LRRC7: variants seen among roughly 807,000 people sequenced by gnomAD.
The protein encoded by LRRC7 is leucine-rich repeat-containing protein 7.
Under a neutral mutation model 175.7 loss-of-function variants are expected in LRRC7, and 23 were observed. The observed-to-expected ratio is 0.13, with a 90% confidence interval of 0.09 to 0.19. LRRC7 has a LOEUF of 0.19. Ranked by LOEUF, LRRC7 falls within the 10% of genes least tolerant of loss-of-function variation. LRRC7 has a pLI of 1.00. For synonymous variants in LRRC7, 685 were observed against 680.9 expected (o/e 1.01, Z -0.09); for missense variants, 1,354 against 1,904.7 (o/e 0.71, Z 5.38).
chr1:69,747,561 C>A (rs1234053506), intron 2 of LRRC7, among the ~76,000 whole-genome samples: 1 of 152,098 alleles, frequency 6.6e-6, no homozygotes, highest in Non-Finnish European at 1.5e-5. Flanking sequence ...AGCAGGACCC[C>A]ATTATCTGAG....
Position 69,649,371 on chromosome 1 carries a change from G to C in LRRC7, c.3-29010G>C, listed in dbSNP as rs543191537. 2.6e-5 allele frequency among the ~76,000 whole-genome samples: 4 copies of C among 152,258 alleles called. No homozygotes were observed. In the South Asian group the frequency reaches 8.3e-4, roughly 32 times the overall value. ...GAAGGGAGAGAAAGCTATGGGAAGT[G>C]AGGATGATATATGTGCTTTGCCTAA... On this transcript the variant is annotated intron_variant, in intron 1 of 26. Transcript: ENST00000651989.
chr1:69,871,847 A>G (rs527665090), intron 7 of LRRC7, among the ~76,000 whole-genome samples: 51 of 152,106 alleles, frequency 3.4e-4, no homozygotes, highest in Non-Finnish European at 6.3e-4. Flanking sequence ...CAAATAATCT[A>G]TGTATGTTCC....
intron 1 of LRRC7, among the ~76,000 whole-genome samples, chr1:69,582,300 C>T: frequency 6.6e-6 from 1 of 152,184 alleles, no homozygotes; most frequent in South Asian, 2.1e-4. Flanking sequence ...CTCAAAATAT[C>T]TCAGTGGCTT....
At chr1:69,598,937 G>T (rs1279147246) in intron 1 of LRRC7, among the ~76,000 whole-genome samples, 1 of 152,058 alleles carries the variant, frequency 6.6e-6, no homozygotes, top group Non-Finnish European at 1.5e-5. Flanking sequence ...GACTATTTCA[G>T]GTCATCAAGG....
chr1:69,764,778 T>C (rs71651429), intron 3 of LRRC7, among the ~76,000 whole-genome samples: 1,741 of 144,398 alleles, frequency 0.012, 13 homozygotes, highest in African/African-American at 0.017. Flanking sequence ...GATAGATAGA[T>C]AGACAGACAG....
chr1:70,116,267 G>A (rs1665841091), intron 26 of LRRC7, among the ~76,000 whole-genome samples: 1 of 152,176 alleles, frequency 6.6e-6, no homozygotes, highest in African/African-American at 2.4e-5. Flanking sequence ...AGAAATTCTT[G>A]CTGGGCGCGG....
chr1:70,135,985 AG>A lies in LRRC7; in HGVS notation c.*14099del, dbSNP rs1666852940. 1.3e-5 allele frequency among the ~76,000 whole-genome samples: 2 copies of A among 152,156 alleles called. No individual in the cohort carries two copies. The highest frequency in any genetic ancestry group is 1.3e-4 in the Admixed American group (2 of 15,276). On this transcript the variant is annotated 3_prime_UTR_variant, in exon 27 of 27. Coordinates refer to ENST00000651989, the MANE Select transcript of LRRC7 (RefSeq NM_001370785.2). ...AAAACCATGAATGTTGCTAGCAAAC[AG>A]TTCAGGCATTTCTTTGTGGCCATTT... is the stretch of plus-strand genomic sequence containing the variant.
chr1:69,781,729 AAGAAAGAG>A lies in LRRC7; in HGVS notation c.304-10310_304-10303del, dbSNP rs1387204818. Among the ~76,000 whole-genome samples, 102 of 32,942 alleles carry A rather than the reference AAGAAAGAG, an allele frequency of 3.1e-3. 1 individual carries two copies. The highest frequency in any genetic ancestry group is 3.7e-3 in the African/African-American group (20 of 5,382). 21.6% of individuals were successfully genotyped at this position (32,942 alleles called of 152,430 possible). ...AAAGAAAGAAAGAAAGAAAGAAAGA[AAGAAAGAG>A]AGAGAGAGAGAGAGAGAGAGAGAGA... is the stretch of plus-strand genomic sequence containing the variant. On this transcript the variant is annotated intron_variant, in intron 3 of 26. Transcript: ENST00000651989.
intron 1 of LRRC7, among the ~76,000 whole-genome samples, chr1:69,578,033 AC>A (rs1450923272): frequency 6.6e-5 from 10 of 152,142 alleles, no homozygotes; most frequent in Non-Finnish European, 1.5e-4. Flanking sequence ...AATTTTCACA[AC>A]CTACTCATCT....
chr1:69,633,040 A>T lies in LRRC7; in HGVS notation c.3-45341A>T, dbSNP rs530235662. Among the ~76,000 whole-genome samples, 3 of 152,128 alleles carry T rather than the reference A, an allele frequency of 2.0e-5. No homozygotes were observed. In the South Asian group the frequency reaches 6.2e-4, roughly 32 times the overall value. ...ACAATTGTACTATTGAAAACTTGTT[A>T]AGTCTTTCTTTGTGGGATAATATCT... On this transcript the variant is annotated intron_variant, in intron 1 of 26. Coordinates refer to ENST00000651989, the MANE Select transcript of LRRC7 (RefSeq NM_001370785.2).
intron 1 of LRRC7, among the ~76,000 whole-genome samples, chr1:69,644,832 A>G (rs941740903): frequency 6.6e-6 from 1 of 152,042 alleles, no homozygotes; most frequent in African/African-American, 2.4e-5. Flanking sequence ...TGAAAAATCA[A>G]ACAATTTTAT....
At chr1:69,781,054 T>C (rs1673426151) in intron 3 of LRRC7, among the ~76,000 whole-genome samples, 2 of 152,222 alleles carry the variant, frequency 1.3e-5, no homozygotes, top group South Asian at 4.1e-4. Flanking sequence ...ATGCCATTTT[T>C]ATAATGTTCT....
chr1:69,757,407 A>G (rs994600770), intron 2 of LRRC7, among the ~76,000 whole-genome samples: 1 of 151,978 alleles, frequency 6.6e-6, no homozygotes, highest in Non-Finnish European at 1.5e-5. Flanking sequence ...AGGAGGATTC[A>G]ATGAAGAGAG....
intron 8 of LRRC7, among the ~76,000 whole-genome samples, chr1:69,936,725 C>T (rs144656753): frequency 3.2e-4 from 49 of 152,236 alleles, no homozygotes; most frequent in African/African-American, 1.1e-3. Flanking sequence ...CTCCTACCCT[C>T]CACCTTCAGG....
At chr1:69,831,792 A>T in intron 5 of LRRC7, among the ~76,000 whole-genome samples, 1 of 152,144 alleles carries the variant, frequency 6.6e-6, no homozygotes, top group Admixed American at 6.6e-5. Context: ...AATATACAGT[A>T]AGTCTTCACT....
At chr1:69,927,699 A>G (rs1647130086) in intron 7 of LRRC7, among the ~76,000 whole-genome samples, 1 of 152,102 alleles carries the variant, frequency 6.6e-6, no homozygotes, top group African/African-American at 2.4e-5. Flanking sequence ...TATTCTAGTT[A>G]TACATTCATC....
At chr1:69,996,940 G>T (rs370382811) in intron 11 of LRRC7, among the ~76,000 whole-genome samples, 35 of 152,092 alleles carry the variant, frequency 2.3e-4, no homozygotes, top group African/African-American at 5.3e-4. Flanking sequence ...GTGAAGAAAG[G>T]CATTGGTAGC....
intron 4 of LRRC7, among the ~76,000 whole-genome samples, chr1:69,815,700 G>A (rs2101168897): frequency 6.6e-6 from 1 of 152,256 alleles, no homozygotes; most frequent in South Asian, 2.1e-4. Context: ...TGTTCAGGGG[G>A]CTATAACAAA....
In LRRC7 at chr1:69,805,594, C is replaced by T. The variant is rs549862808; in HGVS notation, c.421+13434C>T. On this transcript the variant is annotated intron_variant, in intron 4 of 26. Transcript: ENST00000651989. ...GAAATGTGATCACTAGCACTTCTTTCACTTTAAGACTACCTTCCCTTTGTA... is the reference window on the plus strand; with the variant it reads ...GAAATGTGATCACTAGCACTTCTTTTACTTTAAGACTACCTTCCCTTTGTA... Among the ~76,000 whole-genome samples, 8 of 151,976 alleles carry T rather than the reference C, an allele frequency of 5.3e-5. No individual in the cohort carries two copies. The South Asian group carries it at 1.7e-3, about 32-fold the overall frequency.
Sources: gnomAD v4.1 joint callset for allele counts (sites outside exome capture counted in the v4.1 genomes callset) on GRCh38, gnomAD v4.1.1 for gene constraint, MANE v1.5 for transcripts, NCBI Gene and HGNC (gene_info 2026-07-23, HGNC 2026-07-21) for gene names.